Variants in NHSL1 observed in about 807,000 individuals in gnomAD.
NHSL1 encodes NHS-like protein 1.
NHSL1 carries 48 observed loss-of-function variants against 95.0 expected under a neutral mutation model. The observed-to-expected ratio is 0.51, with a 90% CI of 0.40 to 0.64. NHSL1 has a LOEUF of 0.64. NHSL1 is among the 30% of genes least tolerant of loss of function. The probability of loss-of-function intolerance (pLI) is 0.00; values close to 1 mark genes in which losing one functional copy is unlikely to be tolerated. For synonymous variants in NHSL1, 783 were observed against 833.9 expected (o/e 0.94, Z 1.05); for missense variants, 1,971 against 2,077.7 (o/e 0.95, Z 1.00).
upstream of NHSL1, chr6:138,545,969 T>C: frequency 3.8e-6 from 1 of 264,342 alleles, no homozygotes; most frequent in Non-Finnish European, 5.9e-6. Context: ...TGCTTCTCTC[T>C]CAGCATTTTC....
chr6:138,686,141 CTT>C (rs1048684718), intron 1 of NHSL1, among the ~76,000 whole-genome samples: 12 of 151,922 alleles, frequency 7.9e-5, no homozygotes, highest in South Asian at 2.1e-4. Context: ...GTATTGCATA[CTT>C]GTAAGTGTTC....
At chr6:138,581,767 T>C (rs980921086) in intron 1 of NHSL1, among the ~76,000 whole-genome samples, 1 of 151,578 alleles carries the variant, frequency 6.6e-6, no homozygotes, top group Admixed American at 6.6e-5. Flanking sequence ...ACACCAAGTG[T>C]TGAGAGGCAG....
chr6:138,466,041 T>TGGA (rs1554229051), intron 3 of NHSL1, among the ~76,000 whole-genome samples: 2 of 125,552 alleles, frequency 1.6e-5, no homozygotes, highest in African/African-American at 5.9e-5. Flanking sequence ...CACTCCTTTT[T>TGGA]GGGGGGGGGG....
intron 3 of NHSL1, among the ~76,000 whole-genome samples, chr6:138,470,385 G>A (rs1159929700): frequency 6.6e-6 from 1 of 152,046 alleles, no homozygotes; most frequent in African/African-American, 2.4e-5. Context: ...GACTTCCCGG[G>A]CTTAAGCAAT....
rs1327508619 is a variant in NHSL1 at position 138,431,246 on chromosome 6, G to T, written c.3099C>A (p.Asp1033Glu). The T allele has an allele frequency of 1.3e-6, 2 of 1,514,540 alleles. No homozygotes were observed. The highest frequency in any genetic ancestry group is 1.8e-6 in the Non-Finnish European group (2 of 1,127,702). The allele number at this position is 1,514,540 out of a possible 1,614,324, so 93.8% of individuals were successfully genotyped here. ...APPLDPKFMK[D>E]TRPPFTNSGQ... ...CAGAATTTGTGAAAGGCGGCCTGGTGTCTTTCATGAATTTGGGGTCAAGAG... is the reference window on the plus strand; with the variant it reads ...CAGAATTTGTGAAAGGCGGCCTGGTTTCTTTCATGAATTTGGGGTCAAGAG... The change falls in exon 6 of 8, where the codon GAC (aspartate) becomes GAA (glutamate). Residue 1033 changes from aspartate to glutamate, a missense_variant. Physicochemically the swap from Asp to Glu is conservative, Grantham distance 45. This residue lies in a region of NHSL1 where 1,602 missense variants were observed against 1,654.5 expected (regional missense o/e 0.97). Coordinates refer to ENST00000343505, the MANE Select transcript of NHSL1 (RefSeq NM_001144060.2). This position sits in a 1 kb window ranked among gnomAD's most constrained non-coding sequence, Gnocchi z 4.0.
chr6:138,603,600 T>TA (rs1334266662), intron 1 of NHSL1, among the ~76,000 whole-genome samples: 1 of 152,212 alleles, frequency 6.6e-6, no homozygotes, highest in African/African-American at 2.4e-5. Context: ...GCTCAAAGTC[T>TA]AATGACAGAA....
intron 7 of NHSL1, among the ~76,000 whole-genome samples, chr6:138,428,272 A>G (rs1032099936): frequency 1.3e-5 from 2 of 152,252 alleles, no homozygotes; most frequent in Non-Finnish European, 2.9e-5. Flanking sequence ...AAATACTCTG[A>G]GTCTTGGAAG....
chr6:138,635,258 G>A (rs1436418673), intron 1 of NHSL1, among the ~76,000 whole-genome samples: 4 of 152,024 alleles, frequency 2.6e-5, no homozygotes, highest in South Asian at 4.1e-4. Context: ...GAAACAAAAC[G>A]TTGGTTTTTT....
chr6:138,610,219 A>T (rs888398926), intron 1 of NHSL1, among the ~76,000 whole-genome samples: 3 of 152,146 alleles, frequency 2.0e-5, no homozygotes, highest in African/African-American at 7.2e-5. Flanking sequence ...CAAATACTAA[A>T]ACCACAACTT....
chr6:138,558,763 A>G (rs917210776), intron 1 of NHSL1, among the ~76,000 whole-genome samples: 3 of 152,214 alleles, frequency 2.0e-5, no homozygotes, highest in Non-Finnish European at 4.4e-5. Context: ...AAAACACTAC[A>G]GCCAGGCAGT....
intron 1 of NHSL1, among the ~76,000 whole-genome samples, chr6:138,529,295 C>T (rs771592825): frequency 6.6e-6 from 1 of 152,156 alleles, no homozygotes; most frequent in African/African-American, 2.4e-5. Flanking sequence ...ATATTAAGTT[C>T]TACTGGAAAT....
At chr6:138,635,656 G>C (rs1181215063) in intron 1 of NHSL1, among the ~76,000 whole-genome samples, 1 of 151,806 alleles carries the variant, frequency 6.6e-6, no homozygotes, top group South Asian at 2.1e-4. Flanking sequence ...AGAGAATGAG[G>C]GATAGTTCCA....
At chr6:138,659,040 G>A (rs576037255) in intron 1 of NHSL1, among the ~76,000 whole-genome samples, 1 of 146,096 alleles carries the variant, frequency 6.8e-6, no homozygotes, top group East Asian at 2.0e-4. Flanking sequence ...TTGAGATGTG[G>A]ACTATCTTTT....
chr6:138,692,137 G>A lies in NHSL1; in HGVS notation c.96+339C>T. ...TACCTGCCTGTGACAGTTTTCCCAC[G>A]AACTTGGCTCTCCTCTGTCTACAGC... On this transcript the variant is annotated intron_variant, in intron 1 of 3. Transcript: ENST00000491526. This position sits in a 1 kb window ranked among gnomAD's most constrained non-coding sequence, Gnocchi z 4.0. 2.2e-6 allele frequency: 1 copy of A among 445,772 alleles called. No homozygotes were observed. Among genetic ancestry groups the A allele is most frequent in the South Asian group, 1.6e-5 (1 of 64,436 alleles). The allele number at this position is 445,772 out of a possible 1,614,324, so 27.6% of individuals were successfully genotyped here. A position where few individuals can be genotyped will look rare whatever the true frequency, so the allele number is the denominator to read the frequency against.
intron 2 of NHSL1, among the ~76,000 whole-genome samples, chr6:138,474,438 G>A (rs1052343542): frequency 1.3e-5 from 2 of 151,992 alleles, no homozygotes; most frequent in African/African-American, 2.4e-5. Flanking sequence ...TCACTTCAGT[G>A]GAGGGCTAAA....
intron 1 of NHSL1, among the ~76,000 whole-genome samples, chr6:138,624,952 A>C (rs966971313): frequency 6.6e-6 from 1 of 152,194 alleles, no homozygotes; most frequent in African/African-American, 2.4e-5. Context: ...ATTGATGATT[A>C]AAGAACTCTT....
chr6:138,614,055 A>G (rs915363437), intron 1 of NHSL1, among the ~76,000 whole-genome samples: 1 of 152,218 alleles, frequency 6.6e-6, no homozygotes, highest in African/African-American at 2.4e-5. Context: ...ACTACCAATA[A>G]CAGCCTTGAT....
At chr6:138,485,655 TAGG>T (rs1395793927) in intron 2 of NHSL1, among the ~76,000 whole-genome samples, 3 of 152,160 alleles carry the variant, frequency 2.0e-5, no homozygotes, top group Non-Finnish European at 2.9e-5. Flanking sequence ...TCAAATTCAA[TAGG>T]AGAAGTTAAA....
intron 1 of NHSL1, among the ~76,000 whole-genome samples, chr6:138,680,764 G>T (rs1785502381): frequency 6.6e-6 from 1 of 152,066 alleles, no homozygotes; most frequent in Non-Finnish European, 1.5e-5. Flanking sequence ...CCACAGGCGC[G>T]AGCCACCACG....
Sources: gnomAD v4.1 joint callset for allele counts (sites outside exome capture counted in the v4.1 genomes callset) on GRCh38, gnomAD v4.1.1 for gene constraint, gnomAD v4.1.1 regional missense constraint, Gnocchi (gnomAD v3.1) non-coding constraint, MANE v1.5 for transcripts, NCBI Gene and HGNC (gene_info 2026-07-23, HGNC 2026-07-21) for gene names.